OSBPL11: variants seen among roughly 807,000 people sequenced by gnomAD.
OSBPL11 encodes the protein oxysterol binding protein like 11.
A neutral mutation model predicts 84.4 loss-of-function variants in OSBPL11; 33 were observed. That is an observed-to-expected ratio of 0.39 (90% CI 0.30 to 0.52). The LOEUF (loss-of-function observed/expected upper bound fraction) is 0.52. OSBPL11 is among the 20% of genes least tolerant of loss of function. The probability of loss-of-function intolerance (pLI) is 0.72; values close to 1 mark genes in which losing one functional copy is unlikely to be tolerated. For synonymous variants in OSBPL11, 276 were observed against 310.2 expected (o/e 0.89, Z 1.16); for missense variants, 736 against 901.1 (o/e 0.82, Z 2.35).
chr3:125,542,509 A>ATTTTTTTT (rs35801148), intron 10 of OSBPL11, among the ~76,000 whole-genome samples: 1 of 119,880 alleles, frequency 8.3e-6, no homozygotes, highest in East Asian at 2.4e-4. Context: ...CTAATTTTGT[A>ATTTTTTTT]TTTTTTTTTT....
chr3:125,586,319 G>A (rs1480615537), intron 1 of OSBPL11, among the ~76,000 whole-genome samples: 1 of 152,032 alleles, frequency 6.6e-6, no homozygotes, highest in African/African-American at 2.4e-5. Flanking sequence ...AAGAAACTGG[G>A]TATATTTCTA....
At chr3:125,594,108 C>T (rs1235693283) in intron 1 of OSBPL11, among the ~76,000 whole-genome samples, 1 of 152,236 alleles carries the variant, frequency 6.6e-6, no homozygotes, top group East Asian at 1.9e-4. Flanking sequence ...TTTAGTTTAT[C>T]AGAGGCATTA....
intron 2 of OSBPL11, among the ~76,000 whole-genome samples, chr3:125,580,357 A>G (rs1486837872): frequency 6.6e-6 from 1 of 152,024 alleles, no homozygotes; most frequent in Admixed American, 6.6e-5. Flanking sequence ...TCTACTAAAA[A>G]TACAAAATTA....
intron 11 of OSBPL11, among the ~76,000 whole-genome samples, chr3:125,534,879 C>T (rs1935616098): frequency 7.8e-6 from 1 of 127,868 alleles, no homozygotes; most frequent in African/African-American, 3.0e-5. Context: ...TCCACTAAGG[C>T]TAAAATATTA....
intron 2 of OSBPL11, among the ~76,000 whole-genome samples, chr3:125,582,541 C>T (rs1936444781): frequency 6.6e-6 from 1 of 152,278 alleles, no homozygotes. Context: ...TCTTCAAGAT[C>T]CCAGAGAAGC....
In OSBPL11 at chr3:125,547,589, A is replaced by G; in HGVS notation, c.1658T>C (p.Ile553Thr). 1 of 1,590,194 alleles carries G rather than the reference A, an allele frequency of 6.3e-7. No individual in the cohort carries two copies. The highest frequency in any genetic ancestry group is 8.6e-7 in the Non-Finnish European group (1 of 1,168,248). The change falls in exon 10 of 13, where the codon ATC becomes ACC. Residue 553 changes from isoleucine to threonine, a missense_variant. This residue lies in a region of OSBPL11 where 579 missense variants were observed against 717.6 expected (regional missense o/e 0.81). Transcript: ENST00000296220. Reference sequence around the variant, plus strand: ...TTCTCCATGCTCCAACAGACTAAGGATACCTGAATGTGAAAACATGAGGGT... The same window carrying G: ...TTCTCCATGCTCCAACAGACTAAGGGTACCTGAATGTGAAAACATGAGGGT... The part of the protein sequence containing the change: ...SIGVTMVGEG[I>T]LSLLEHGEEY...
intron 7 of OSBPL11, among the ~76,000 whole-genome samples, chr3:125,562,697 T>A (rs1194765039): frequency 6.6e-6 from 1 of 151,938 alleles, no homozygotes; most frequent in African/African-American, 2.4e-5. Context: ...GAGGCTGAGG[T>A]GGGTAGATCA....
intron 4 of OSBPL11, among the ~76,000 whole-genome samples, chr3:125,576,844 C>T (rs775331554): frequency 1.3e-5 from 2 of 152,140 alleles, no homozygotes; most frequent in Admixed American, 6.6e-5. Flanking sequence ...CCACCATGCC[C>T]AGTTAATTTT....
chr3:125,550,371 TCACA>T (rs58412964), intron 9 of OSBPL11, among the ~76,000 whole-genome samples: 36,202 of 131,862 alleles, frequency 0.27, 4,798 homozygotes, highest in Middle Eastern at 0.33. Flanking sequence ...CTAGACCGTG[TCACA>T]CACACACACA....
At chr3:125,582,651 A>G (rs751545975) in intron 2 of OSBPL11, among the ~76,000 whole-genome samples, 12 of 152,194 alleles carry the variant, frequency 7.9e-5, no homozygotes, top group Non-Finnish European at 1.6e-4. Flanking sequence ...CAAGTATACA[A>G]TGCCCAAGCC....
intron 10 of OSBPL11, among the ~76,000 whole-genome samples, chr3:125,545,116 G>A (rs1219822166): frequency 6.6e-6 from 1 of 152,102 alleles, no homozygotes; most frequent in Non-Finnish European, 1.5e-5. Flanking sequence ...TGGGTTTCAT[G>A]GTATATATAA....
Position 125,548,172 on chromosome 3 carries a change from C to T in OSBPL11, c.1655-580G>A, listed in dbSNP as rs58739271. Among the ~76,000 whole-genome samples the T allele has an allele frequency of 9.0e-3, 1,365 of 152,240 alleles. 15 individuals are homozygous for T. Among genetic ancestry groups the T allele is most frequent in the African/African-American group, 0.031 (1,271 of 41,532 alleles). On this transcript the variant is annotated intron_variant, in intron 9 of 12. Coordinates refer to ENST00000296220, the MANE Select transcript of OSBPL11 (RefSeq NM_022776.5). The stretch of plus-strand genomic sequence containing the variant: ...GGGATTACAGGCGTGAGCCACTGTG[C>T]CTGGCCCCTGAAAATAATTTTTTAA...
chr3:125,546,175 G>GT (rs1935810912), intron 10 of OSBPL11, among the ~76,000 whole-genome samples: 1 of 123,000 alleles, frequency 8.1e-6, no homozygotes, highest in Non-Finnish European at 1.8e-5. Context: ...TTGTGTGTGT[G>GT]TGTTTTTTTT....
chr3:125,570,965 G>C (rs1258367586), intron 5 of OSBPL11, among the ~76,000 whole-genome samples: 2 of 152,220 alleles, frequency 1.3e-5, no homozygotes, highest in Non-Finnish European at 2.9e-5. Context: ...GGCAGAGGTT[G>C]GAACAGTTTG....
Position 125,580,056 on chromosome 3 carries a change from A to G in OSBPL11, c.234-16T>C, listed in dbSNP as rs770441932. 17 of 1,596,846 alleles carry G rather than the reference A, an allele frequency of 1.1e-5. No individual in the cohort carries two copies. The highest frequency in any genetic ancestry group is 1.5e-5 in the Non-Finnish European group (17 of 1,171,902). ...AACAAAAAACCTGTAATGATTTTTT[A>G]AAATCCATAATTTGTAAACATTTTC... is the stretch of plus-strand genomic sequence containing the variant. On this transcript the variant is annotated splice_polypyrimidine_tract_variant and intron_variant, in intron 2 of 12. Transcript: ENST00000296220.
chr3:125,552,139 G>GTATATA lies in OSBPL11; in HGVS notation c.1654+41_1654+42insTATATA, dbSNP rs1239624295. 7.0e-5 allele frequency: 70 copies of GTATATA among 1,001,830 alleles called. No homozygotes were observed. The African/African-American group carries it at 1.4e-3, about 20-fold the overall frequency. The allele number at this position is 1,001,830 out of a possible 1,614,324, so 62.1% of individuals were successfully genotyped here. On this transcript the variant is annotated intron_variant, in intron 9 of 12. Transcript: ENST00000296220. ...AAAAAATACATATATATATGTGTGT[G>GTATATA]TGTATATATATATATATATATAAAA...
At chr3:125,569,601 A>G (rs1936212912) in intron 5 of OSBPL11, among the ~76,000 whole-genome samples, 1 of 152,246 alleles carries the variant, frequency 6.6e-6, no homozygotes. Context: ...ATAAGTAAAT[A>G]TAATTTATGA....
chr3:125,587,317 G>A (rs540711951), intron 1 of OSBPL11, among the ~76,000 whole-genome samples: 4 of 152,274 alleles, frequency 2.6e-5, no homozygotes, highest in East Asian at 1.9e-4. Context: ...GATAGGGATC[G>A]CAGAGAAATT....
At chr3:125,545,234 T>C (rs1444945418) in intron 10 of OSBPL11, among the ~76,000 whole-genome samples, 1 of 152,212 alleles carries the variant, frequency 6.6e-6, no homozygotes, top group African/African-American at 2.4e-5. Flanking sequence ...CAAATCCCTT[T>C]AGAATTTAGT....
Sources: gnomAD v4.1 joint callset for allele counts (sites outside exome capture counted in the v4.1 genomes callset) on GRCh38, gnomAD v4.1.1 for gene constraint, gnomAD v4.1.1 regional missense constraint, MANE v1.5 for transcripts, NCBI Gene and HGNC (gene_info 2026-07-23, HGNC 2026-07-21) for gene names.